SELP: variants seen among roughly 807,000 people sequenced by gnomAD.
SELP encodes the protein P-selectin.
A neutral mutation model predicts 104.1 loss-of-function variants in SELP; 92 were observed. The ratio of observed to expected loss-of-function variants is 0.88; its 90% CI spans 0.75 to 1.05. The LOEUF (loss-of-function observed/expected upper bound fraction) is 1.05. Among genes scored for constraint, SELP ranks in the 50% least tolerant of loss-of-function variants. The pLI is 0.00. For missense variants in SELP, 1,022 were observed against 1,017.3 expected, an observed-to-expected ratio of 1.00 and a Z score of -0.06; for synonymous variants, 397 against 364.5, an observed-to-expected ratio of 1.09 and a Z score of -1.01.
chr1:169,610,779 AAAACAAACAAAC>A (rs76632064), intron 7 of SELP, among the ~76,000 whole-genome samples: 41,249 of 150,974 alleles, frequency 0.27, 7,009 homozygotes, highest in African/African-American at 0.48. Flanking sequence ...ACTCTGTCTC[AAAACAAACAAAC>A]AAACAAACAA....
chr1:169,603,315 G>GTGTGTA (rs1306656821), intron 9 of SELP, 104 bp from the exon 10 acceptor site: 1 of 258,248 alleles, frequency 3.9e-6, no homozygotes, highest in Non-Finnish European at 6.2e-6. Flanking sequence ...CTCTGTGTGT[G>GTGTGTA]TGTGTGTGTG....
intron 1 of SELP, 108 bp downstream of exon 1, chr1:169,629,964 C>T: frequency 7.0e-7 from 1 of 1,421,308 alleles, no homozygotes. Flanking sequence ...ACATAAAACT[C>T]CATGGCTATC....
At chr1:169,593,335 G>A (rs1285766191) in intron 14 of SELP, among the ~76,000 whole-genome samples, 1 of 152,108 alleles carries the variant, frequency 6.6e-6, no homozygotes, top group Non-Finnish European at 1.5e-5. Context: ...TTTGAATTTT[G>A]GGAGAGAGCT....
Position 169,601,853 on chromosome 1 carries a change from C to A in SELP, c.1705+1173G>T, listed in dbSNP as rs3917774. Among the ~76,000 whole-genome samples the A allele has an allele frequency of 7.5e-3, 1,136 of 151,624 alleles. 15 individuals are homozygous for A. Among genetic ancestry groups the A allele is most frequent in the African/African-American group, 0.025 (1,050 of 41,408 alleles). On this transcript the variant is annotated intron_variant, in intron 10 of 16. Coordinates refer to ENST00000263686, the MANE Select transcript of SELP (RefSeq NM_003005.4). ...TTTGTGTGGATTGAATGTGATGATG[C>A]TTATGAAATAGGTAGTCCTACATTA...
chr1:169,599,729 T>C (rs1661805883), intron 10 of SELP, among the ~76,000 whole-genome samples: 1 of 152,098 alleles, frequency 6.6e-6, no homozygotes, highest in Admixed American at 6.6e-5. Flanking sequence ...GCCCCACAGA[T>C]TCAGAGAAAT....
chr1:169,617,174 T>C lies in SELP; in HGVS notation c.335A>G (p.Asn112Ser). ...TWVGTKKALT[N>S]EAENWADNEP... is the part of the protein sequence containing the mutation. ...ATTATCAGCCCAGTTCTCAGCCTCG[T>C]TGGTGAGAGCCTTTTTGGTTCCCAC... The change falls in exon 3 of 17, where the codon AAC becomes AGC. Residue 112 changes from asparagine (N) to serine (S), a missense_variant. Physicochemically the swap from Asn to Ser is conservative, Grantham distance 46. Coordinates refer to ENST00000263686, the MANE Select transcript of SELP (RefSeq NM_003005.4). The C allele has an allele frequency of 1.9e-6, 3 of 1,614,222 alleles. No individual in the cohort carries two copies. In the Admixed American group the frequency reaches 5.0e-5, roughly 27 times the overall value.
At chr1:169,606,802 T>TCCCAAG (rs1334447234) in intron 9 of SELP, 147 bp downstream of exon 9, 1 of 714,448 alleles carries the variant, frequency 1.4e-6, no homozygotes, top group East Asian at 2.8e-5. Flanking sequence ...ATCCTTGGGT[T>TCCCAAG]ATAGGACAAG....
chr1:169,598,839 A>T (rs1661757191), intron 10 of SELP, among the ~76,000 whole-genome samples: 1 of 152,212 alleles, frequency 6.6e-6, no homozygotes, highest in Non-Finnish European at 1.5e-5. Context: ...TAATGAATAC[A>T]ATTTAATTTA....
intron 3 of SELP, among the ~76,000 whole-genome samples, chr1:169,615,020 A>G (rs1429345614): frequency 1.3e-5 from 2 of 152,150 alleles, no homozygotes; most frequent in East Asian, 1.9e-4. Context: ...AAAAGAGACA[A>G]TGTTCTGTAT....
rs3917784 is a variant in SELP, at chr1:169,600,237, T to A, written c.1705+2789A>T. ...GGATCAAAAACATTCAGAAAAAAAA[T>A]AAATTATATAAAGTTCCAAAAAGCA... is the stretch of plus-strand genomic sequence containing the variant. On this transcript the variant is annotated intron_variant, in intron 10 of 16. Coordinates refer to ENST00000263686, the MANE Select transcript of SELP (RefSeq NM_003005.4). Among the ~76,000 whole-genome samples, 1,343 of 141,522 alleles carry A rather than the reference T, an allele frequency of 9.5e-3. 23 individuals carry two copies. The highest frequency in any genetic ancestry group is 0.034 in the African/African-American group (1,258 of 37,456). 92.8% of individuals were successfully genotyped at this position (141,522 alleles called of 152,430 possible).
intron 1 of SELP, among the ~76,000 whole-genome samples, chr1:169,624,775 A>G (rs1335119895): frequency 1.3e-5 from 2 of 152,070 alleles, no homozygotes. Flanking sequence ...AAAACTAATA[A>G]TGATTGCAGG....
At chr1:169,601,803 A>G (rs989493402) in intron 10 of SELP, among the ~76,000 whole-genome samples, 4 of 152,200 alleles carry the variant, frequency 2.6e-5, no homozygotes, top group Non-Finnish European at 4.4e-5. Flanking sequence ...TAAAATGGGC[A>G]TAGTAATAAC....
At chr1:169,605,589 G>A (rs1294911288) in intron 9 of SELP, among the ~76,000 whole-genome samples, 1 of 152,042 alleles carries the variant, frequency 6.6e-6, no homozygotes, top group Non-Finnish European at 1.5e-5. Flanking sequence ...TCACTCAAAT[G>A]TTGAAAGTCT....
intron 9 of SELP, among the ~76,000 whole-genome samples, chr1:169,606,005 G>A (rs1662174814): frequency 6.6e-6 from 1 of 152,166 alleles, no homozygotes; most frequent in Admixed American, 6.5e-5. Flanking sequence ...TACTGACAGA[G>A]CACACTGGCT....
At chr1:169,618,988 C>T in intron 2 of SELP, 141 bp downstream of exon 2, 1 of 620,690 alleles carries the variant, frequency 1.6e-6, no homozygotes, top group African/African-American at 1.8e-5. Flanking sequence ...GCGTTGGGTA[C>T]ATTTGTCTTC....
chr1:169,602,657 G>C (rs1661964893), intron 10 of SELP, among the ~76,000 whole-genome samples: 1 of 152,068 alleles, frequency 6.6e-6, no homozygotes, highest in Admixed American at 6.6e-5. Flanking sequence ...CTGTCACCAG[G>C]CTGGAGTGCA....
rs1196765209 is a variant in SELP, at chr1:169,589,197, C to CCAGTCTCTT, written c.*257_*265dup. ...CTGGTCTTCTTGTGAGTCAGATGCT[C>CCAGTCTCTT]CAGTCTCTTTGGTTCACTGGTATTT... On this transcript the variant is annotated 3_prime_UTR_variant, in exon 17 of 17. Transcript: ENST00000263686. 2 of 152,220 alleles carry CCAGTCTCTT rather than the reference C, an allele frequency of 1.3e-5. No individual in the cohort carries two copies. Among genetic ancestry groups the CCAGTCTCTT allele is most frequent in the Admixed American group, 1.3e-4 (2 of 15,284 alleles). The allele number at this position is 152,220 out of a possible 1,614,324, so 9.4% of individuals were successfully genotyped here.
Position 169,613,466 on chromosome 1 carries a change from T to C in SELP, c.589+120A>G, listed in dbSNP as rs1662647861. 5 of 742,764 alleles carry C rather than the reference T, an allele frequency of 6.7e-6. No homozygotes were observed. In the East Asian group the frequency reaches 1.1e-4, roughly 16 times the overall value. 46.0% of individuals were successfully genotyped at this position (742,764 alleles called of 1,614,324 possible). On this transcript the variant is annotated intron_variant, in intron 4 of 16. Coordinates refer to ENST00000263686, the MANE Select transcript of SELP (RefSeq NM_003005.4). ...AGGGACACTGAGTGGAGGAGACAGA[T>C]GATAGAGGGGGGCTGGTACCATCCT...
At chr1:169,600,255 A>C (rs183405601) in intron 10 of SELP, among the ~76,000 whole-genome samples, 47 of 152,330 alleles carry the variant, frequency 3.1e-4, no homozygotes, top group Non-Finnish European at 5.6e-4. Flanking sequence ...ATAAAGTTCC[A>C]AAAAGCAAAA....
Sources: gnomAD v4.1 joint callset for allele counts (sites outside exome capture counted in the v4.1 genomes callset) on GRCh38, gnomAD v4.1.1 for gene constraint, MANE v1.5 for transcripts, NCBI Gene and HGNC (gene_info 2026-07-23, HGNC 2026-07-21) for gene names.